LRIG1: variants seen among roughly 807,000 people sequenced by gnomAD.
LRIG1 encodes leucine-rich repeats and immunoglobulin-like domains protein 1.
LRIG1 carries 48 observed loss-of-function variants against 99.2 expected under a neutral mutation model. That is an observed-to-expected ratio of 0.48 (90% CI 0.38 to 0.62). The LOEUF (loss-of-function observed/expected upper bound fraction) is 0.62. Ranked by LOEUF, LRIG1 falls within the 20% of genes least tolerant of loss-of-function variation. The pLI is 0.00. For missense variants in LRIG1, 1,646 were observed against 1,434.4 expected, an observed-to-expected ratio of 1.15 and a Z score of -2.38; for synonymous variants, 772 against 596.1, an observed-to-expected ratio of 1.29 and a Z score of -4.30.
At position 66,405,219 on chromosome 3, in the gene LRIG1, C is replaced by T. The variant is rs777337354; in HGVS notation, c.1139G>A (p.Gly380Glu). 6.2e-7 allele frequency: 1 copy of T among 1,614,208 alleles called. No homozygotes were observed. The highest frequency in any genetic ancestry group is 8.5e-7 in the Non-Finnish European group (1 of 1,180,028). Residue 380 changes from glycine to glutamate, a missense_variant, in exon 9 of 19, where the codon GGG (glycine) becomes GAG (glutamate). Transcript: ENST00000273261. ...TIEDTSGAFS[G>E]LDSLSKLTLF... The stretch of plus-strand genomic sequence containing the variant: ...TCACAGCTTGCTGAGGCTGTCGAGC[C>T]CTGAGAAGGCGCCGCTCGTGTCCTC...
At chr3:66,463,637 G>C (rs958006128) in intron 1 of LRIG1, among the ~76,000 whole-genome samples, 1 of 152,180 alleles carries the variant, frequency 6.6e-6, no homozygotes, top group Admixed American at 6.5e-5. Flanking sequence ...TGCCTCCAAA[G>C]TCTACCCAGC....
intron 1 of LRIG1, among the ~76,000 whole-genome samples, chr3:66,479,099 C>T (rs1381114113): frequency 6.6e-6 from 1 of 152,236 alleles, no homozygotes; most frequent in Non-Finnish European, 1.5e-5. Flanking sequence ...CTTCACACCT[C>T]CCTATTGTAA....
Position 66,500,588 on chromosome 3 carries a change from G to C in LRIG1, c.-181C>G. On this transcript the variant is annotated 5_prime_UTR_variant, in exon 1 of 19. Coordinates refer to ENST00000273261, the MANE Select transcript of LRIG1 (RefSeq NM_015541.3). ...CACTCAGCGTGCCCCCGGTGCCCGG[G>C]CCGCTCCGGAGCACCCGGCGGGGGC... The C allele has an allele frequency of 5.5e-6, 2 of 365,862 alleles. No homozygotes were observed. The highest frequency in any genetic ancestry group is 9.6e-6 in the Non-Finnish European group (2 of 207,706). The allele number at this position is 365,862 out of a possible 1,614,324, so 22.7% of individuals were successfully genotyped here. A position where few individuals can be genotyped will look rare whatever the true frequency, so the allele number is the denominator to read the frequency against.
At chr3:66,442,556 A>G (rs947432200) in intron 3 of LRIG1, among the ~76,000 whole-genome samples, 4 of 152,176 alleles carry the variant, frequency 2.6e-5, no homozygotes, top group Non-Finnish European at 5.9e-5. Context: ...ATGACAGAGC[A>G]GCTCCGCTTC....
rs562570331 is a variant in LRIG1, at chr3:66,492,216, A to G, written c.218+7974T>C. On this transcript the variant is annotated intron_variant, in intron 1 of 18. Coordinates refer to ENST00000273261, the MANE Select transcript of LRIG1 (RefSeq NM_015541.3). ...CTATCCTCCAGTTCAGAAGTGTTCA[A>G]TCCTTCTCATTGCATTTAACAGGCT... is the stretch of plus-strand genomic sequence containing the variant. Among the ~76,000 whole-genome samples, 28 of 152,368 alleles carry G rather than the reference A, an allele frequency of 1.8e-4. No homozygotes were observed. The East Asian group carries it at 5.2e-3, about 28-fold the overall frequency.
rs558187858 is a variant in LRIG1, at chr3:66,381,307, A to G, written c.2770+172T>C. On this transcript the variant is annotated intron_variant, in intron 17 of 18. Transcript: ENST00000273261. ...ACCATGGCGTAGATTTATTTAGGAG[A>G]AACTATCCTGGAATTAAGAGAGCCA... Among the ~76,000 whole-genome samples, 103 of 152,030 alleles carry G rather than the reference A, an allele frequency of 6.8e-4. No individual in the cohort carries two copies. In the Middle Eastern group the frequency reaches 0.014, roughly 20 times the overall value.
rs540502064 is a variant in LRIG1 at position 66,379,994 on chromosome 3, A to C, written c.*269T>G. The C allele has an allele frequency of 1.3e-4, 37 of 282,214 alleles. No individual in the cohort carries two copies. Among genetic ancestry groups the C allele is most frequent in the Middle Eastern group, 2.1e-3 (2 of 932 alleles). The allele number at this position is 282,214 out of a possible 1,614,324, so 17.5% of individuals were successfully genotyped here. A position where few individuals can be genotyped will look rare whatever the true frequency, so the allele number is the denominator to read the frequency against. On this transcript the variant is annotated 3_prime_UTR_variant, in exon 19 of 19. Transcript: ENST00000273261. ...ATTTTTTTCTGTTAACCATGCACTAAAGATTAAAATAGCCTCTGTAAAAGA... is the reference window on the plus strand; with the variant it reads ...ATTTTTTTCTGTTAACCATGCACTACAGATTAAAATAGCCTCTGTAAAAGA...
chr3:66,422,321 G>A (rs1440061457), intron 3 of LRIG1, among the ~76,000 whole-genome samples: 1 of 152,160 alleles, frequency 6.6e-6, no homozygotes, highest in African/African-American at 2.4e-5. Flanking sequence ...TTTATGTTCT[G>A]TTTCCCTTTT....
intron 11 of LRIG1, among the ~76,000 whole-genome samples, chr3:66,395,218 A>C (rs1451784411): frequency 1.3e-5 from 2 of 152,214 alleles, no homozygotes; most frequent in African/African-American, 4.8e-5. Context: ...ACATGGTGAC[A>C]AACAGGAGGC....
At chr3:66,423,737 GCCTTGAGTGTCTTCCTGC>G (rs1354213821) in intron 3 of LRIG1, among the ~76,000 whole-genome samples, 5 of 152,186 alleles carry the variant, frequency 3.3e-5, no homozygotes, top group Non-Finnish European at 7.3e-5. Context: ...GGAACAATAT[GCCTTGAGTGTCTTCCTGC>G]CCAGGTTCAA....
At chr3:66,413,952 G>C (rs1702543889) in intron 5 of LRIG1, among the ~76,000 whole-genome samples, 1 of 151,422 alleles carries the variant, frequency 6.6e-6, no homozygotes, top group African/African-American at 2.4e-5. Flanking sequence ...ACATTCTTCT[G>C]CTAAAAAGAG....
chr3:66,456,823 G>A (rs1700232804), intron 2 of LRIG1, among the ~76,000 whole-genome samples: 1 of 152,162 alleles, frequency 6.6e-6, no homozygotes, highest in African/African-American at 2.4e-5. Context: ...AACACCCACA[G>A]CAGGCACTCG....
intron 3 of LRIG1, among the ~76,000 whole-genome samples, chr3:66,418,108 T>C (rs1702675806): frequency 6.8e-6 from 1 of 146,420 alleles, no homozygotes; most frequent in Non-Finnish European, 1.5e-5. Context: ...TGTTTTTGTT[T>C]TTGAGACAGA....
At chr3:66,387,013 G>C (rs1447016027) in intron 12 of LRIG1, 1 of 150,010 alleles carries the variant, frequency 6.7e-6, no homozygotes, top group East Asian at 2.0e-4. Flanking sequence ...GACACCATGT[G>C]GCCTATCTGG....
chr3:66,414,442 T>A (rs539720452), intron 5 of LRIG1, among the ~76,000 whole-genome samples: 2 of 151,830 alleles, frequency 1.3e-5, no homozygotes, highest in Non-Finnish European at 2.9e-5. Flanking sequence ...ATAAATCAAC[T>A]ACCTTGTAAG....
chr3:66,466,338 TGGC>T (rs1700472887), intron 1 of LRIG1, among the ~76,000 whole-genome samples: 1 of 152,226 alleles, frequency 6.6e-6, no homozygotes, highest in Admixed American at 6.5e-5. Flanking sequence ...CCACTGCACC[TGGC>T]AGAATTTCAT....
chr3:66,384,144 A>G lies in LRIG1; in HGVS notation c.1918T>C (p.Phe640Leu), dbSNP rs1701248396. The G allele has an allele frequency of 6.2e-7, 1 of 1,614,060 alleles. No homozygotes were observed. Among genetic ancestry groups the G allele is most frequent in the Non-Finnish European group, 8.5e-7 (1 of 1,180,034 alleles). Residue 640 changes from phenylalanine (F) to leucine (L), a missense_variant, in exon 14 of 19, where the codon TTC becomes CTC. Coordinates refer to ENST00000273261, the MANE Select transcript of LRIG1 (RefSeq NM_015541.3). ...IAWQKDGGTD[F>L]PAARERRMHV... is the part of the protein sequence containing the mutation. ...ATGCGTCGCTCACGGGCAGCGGGGA[A>G]ATCCGTGCCTCCATCCTTCTGCCAG... is the stretch of plus-strand genomic sequence containing the variant.
At chr3:66,411,812 A>G (rs12629792) in intron 6 of LRIG1, among the ~76,000 whole-genome samples, 10,774 of 152,214 alleles carry the variant, frequency 0.071, 1,563 homozygotes, top group East Asian at 0.66. Flanking sequence ...AAGTAAAGAC[A>G]GTGGTGTCAG....
chr3:66,382,713 T>G (rs986481984), intron 15 of LRIG1, among the ~76,000 whole-genome samples: 11 of 152,232 alleles, frequency 7.2e-5, no homozygotes, highest in Non-Finnish European at 1.6e-4. Context: ...GGCCTGTGCA[T>G]AGGCGGCCTC....
Sources: allele counts gnomAD v4.1 joint callset (sites outside exome capture counted in the v4.1 genomes callset), GRCh38; gene constraint gnomAD v4.1.1; transcripts MANE v1.5; gene names NCBI Gene and HGNC (gene_info 2026-07-23, HGNC 2026-07-21).